Variants in PLCD4 observed in about 807,000 individuals in gnomAD.
The protein encoded by PLCD4 is phospholipase C delta 4, also known as 1-phosphatidylinositol 4,5-bisphosphate phosphodiesterase delta-4.
A neutral mutation model predicts 90.2 loss-of-function variants in PLCD4; 63 were observed. The observed-to-expected ratio is 0.70, with a 90% CI of 0.57 to 0.86. The LOEUF is 0.86. Ranked by LOEUF, PLCD4 falls within the 40% of genes least tolerant of loss-of-function variation. PLCD4 has a pLI of 0.00. For missense variants in PLCD4, 830 were observed against 956.3 expected (o/e 0.87, Z 1.74); for synonymous variants, 294 against 356.5 (o/e 0.82, Z 1.97).
Position 218,621,637 on chromosome 2 carries a change from G to C in PLCD4, c.540+38G>C, listed in dbSNP as rs373037584. On this transcript the variant is annotated intron_variant, in intron 5 of 15. Transcript: ENST00000450993. ...GGAAGGATTTCCAGCGGCCAACCAG[G>C]CCACATTTTCATTTGGCCAGAAGTC... 1.1e-5 allele frequency: 17 copies of C among 1,611,940 alleles called. No individual in the cohort carries two copies. In the African/African-American group the frequency reaches 2.1e-4, roughly 20 times the overall value.
At chr2:218,613,217 C>G (rs1170387677) in intron 1 of PLCD4, among the ~76,000 whole-genome samples, 1 of 151,762 alleles carries the variant, frequency 6.6e-6, no homozygotes, top group Non-Finnish European at 1.5e-5. Flanking sequence ...ATAGTGAAAC[C>G]CTGTCTCTAT....
chr2:218,625,131 AAG>A (rs763886125), intron 6 of PLCD4, among the ~76,000 whole-genome samples: 7 of 146,992 alleles, frequency 4.8e-5, no homozygotes, highest in African/African-American at 7.5e-5. Flanking sequence ...AAAAAAAAAA[AAG>A]AAAGAAAGAA....
rs1172144920 is a variant in PLCD4 at position 218,616,928 on chromosome 2, A to G, written c.181+866A>G. On this transcript the variant is annotated intron_variant, in intron 3 of 15. Transcript: ENST00000450993. ...TATATATATATATATATATATATAT[A>G]GAGAGAGAGAGAGAGAGAGAGAGAG... 2.9e-4 allele frequency among the ~76,000 whole-genome samples: 3 copies of G among 10,442 alleles called. 1 individual carries two copies. Among genetic ancestry groups the G allele is most frequent in the Non-Finnish European group, 5.0e-4 (3 of 5,982 alleles). 6.9% of individuals were successfully genotyped at this position (10,442 alleles called of 152,430 possible).
intron 7 of PLCD4, 100 bp downstream of exon 7, chr2:218,628,330 G>A (rs939543446): frequency 1.9e-4 from 239 of 1,232,764 alleles, no homozygotes; most frequent in Middle Eastern, 1.1e-3. Context: ...GTGTTGTGGG[G>A]GTTTAGGGGC....
At chr2:218,625,921 G>A (rs531981177) in intron 6 of PLCD4, among the ~76,000 whole-genome samples, 6 of 152,106 alleles carry the variant, frequency 3.9e-5, no homozygotes, top group East Asian at 3.9e-4. Flanking sequence ...GTGACAGAGC[G>A]AGACTCCATC....
At chr2:218,627,994 G>C in intron 6 of PLCD4, 35 bp from the exon 7 acceptor site, 1 of 1,571,832 alleles carries the variant, frequency 6.4e-7, no homozygotes, top group Non-Finnish European at 8.7e-7. Flanking sequence ...CCCATTCAGA[G>C]CTTCTCACCT....
At chr2:218,622,579 T>G in intron 5 of PLCD4, 68 bp from the exon 6 acceptor site, 1 of 1,193,502 alleles carries the variant, frequency 8.4e-7, no homozygotes, top group South Asian at 1.7e-5. Flanking sequence ...AAAAAAAATT[T>G]TTTTAATTAA....
Position 218,618,767 on chromosome 2 carries a change from G to A in PLCD4, c.370G>A (p.Asp124Asn). ...IWMRGLQLLV[D>N]LVTSMDHQER... is the part of the protein sequence containing the mutation. ...GATGCGAGGGCTCCAGCTGTTGGTG[G>A]ATCTTGTCACCAGCATGGACCATCA... is the stretch of plus-strand genomic sequence containing the variant. Residue 124 changes from aspartate to asparagine, a missense_variant, in exon 4 of 16, where the codon GAT becomes AAT. Coordinates refer to ENST00000450993, the MANE Select transcript of PLCD4 (RefSeq NM_032726.4). 1 of 1,604,600 alleles carries A rather than the reference G, an allele frequency of 6.2e-7. No individual in the cohort carries two copies. The highest frequency in any genetic ancestry group is 8.5e-7 in the Non-Finnish European group (1 of 1,175,656).
intron 6 of PLCD4, 107 bp from the exon 7 acceptor site, chr2:218,627,922 C>A: frequency 9.5e-7 from 1 of 1,051,928 alleles, no homozygotes; most frequent in Non-Finnish European, 1.4e-6. Context: ...TGGGTGCCAT[C>A]TGAAAGGCAG....
intron 3 of PLCD4, among the ~76,000 whole-genome samples, chr2:218,616,952 A>AGAT (rs1695631774): frequency 1.3e-5 from 1 of 77,936 alleles, no homozygotes; most frequent in African/African-American, 5.1e-5. Flanking sequence ...AGAGAGAGAG[A>AGAT]GAGAGAGAGA....
chr2:218,634,163 G>A lies in PLCD4; in HGVS notation c.1665G>A (p.Leu555=). The A allele has an allele frequency of 1.2e-6, 2 of 1,612,822 alleles. No homozygotes were observed. The highest frequency in any genetic ancestry group is 1.7e-6 in the Non-Finnish European group (2 of 1,179,418). The change falls in exon 12 of 16, where the codon CTG becomes CTA. Residue 555 remains leucine, a synonymous_variant. Coordinates refer to ENST00000450993, the MANE Select transcript of PLCD4 (RefSeq NM_032726.4). The surrounding 1 kb of genome is among the most constrained non-coding windows in gnomAD (Gnocchi z 4.0). ...TAAGCCGTGTGTATCCCAGCGGCCT[G>A]AGGACAGACTCTTCCAACTACAACC... The part of the protein sequence containing the change: ...WQLSRVYPSG[L]RTDSSNYNPQ...
chr2:218,632,864 G>C (rs1206481436), intron 10 of PLCD4, among the ~76,000 whole-genome samples: 8 of 152,146 alleles, frequency 5.3e-5, no homozygotes, highest in Non-Finnish European at 1.2e-4. Flanking sequence ...GGTGGGGAAC[G>C]TGAAGGCTCT....
intron 3 of PLCD4, 58 bp downstream of exon 3, chr2:218,616,120 C>T (rs370020533): frequency 1.1e-5 from 17 of 1,583,508 alleles, no homozygotes; most frequent in African/African-American, 6.7e-5. Context: ...CTGAGGAGCC[C>T]GGCAGGGGAG....
chr2:218,609,741 G>A (rs1171603761), intron 1 of PLCD4: 1 of 152,254 alleles, frequency 6.6e-6, no homozygotes, highest in Non-Finnish European at 1.5e-5. Context: ...CTAGGATACA[G>A]AGAAAAGTGA....
rs1696782390 is a variant in PLCD4 at position 218,636,751 on chromosome 2, C to G, written c.*174C>G. Reference sequence around the variant, plus strand: ...AGCAATCTGGGACCTGATTTTCCACCTTTTTTCTCTTTTCTTCCCTTCCTT... The same window carrying G: ...AGCAATCTGGGACCTGATTTTCCACGTTTTTTCTCTTTTCTTCCCTTCCTT... On this transcript the variant is annotated 3_prime_UTR_variant, in exon 16 of 16. Coordinates refer to ENST00000450993, the MANE Select transcript of PLCD4 (RefSeq NM_032726.4). The G allele has an allele frequency of 4.3e-6, 3 of 705,820 alleles. No individual in the cohort carries two copies. Among genetic ancestry groups the G allele is most frequent in the East Asian group, 5.6e-5 (2 of 35,990 alleles). 43.7% of individuals were successfully genotyped at this position (705,820 alleles called of 1,614,324 possible).
chr2:218,617,829 G>A (rs1233522050), intron 3 of PLCD4, among the ~76,000 whole-genome samples: 1 of 152,152 alleles, frequency 6.6e-6, no homozygotes, highest in Non-Finnish European at 1.5e-5. Flanking sequence ...GCTCACGCCT[G>A]TAATCCCAGC....
Position 218,608,011 on chromosome 2 carries a change from G to A in PLCD4, c.-93G>A, listed in dbSNP as rs3731867. On this transcript the variant is annotated 5_prime_UTR_variant, in exon 1 of 16. Transcript: ENST00000450993. ...CTGATCCCACAGCATCGCAGAGCTCGGGAGGCACAGCTCACAGACACAGGA... is the reference window on the plus strand; with the variant it reads ...CTGATCCCACAGCATCGCAGAGCTCAGGAGGCACAGCTCACAGACACAGGA... 0.28 allele frequency: 42,655 copies of A among 152,302 alleles called. 7,559 individuals carry two copies. The highest frequency in any genetic ancestry group is 0.39 in the Non-Finnish European group (26,375 of 68,126). 9.4% of individuals were successfully genotyped at this position (152,302 alleles called of 1,614,324 possible).
intron 6 of PLCD4, among the ~76,000 whole-genome samples, chr2:218,623,396 G>T (rs1318439830): frequency 6.6e-6 from 1 of 152,162 alleles, no homozygotes. Context: ...CCCTGGCTGG[G>T]GGAATAAGGA....
intron 1 of PLCD4, among the ~76,000 whole-genome samples, chr2:218,608,691 T>C (rs1021194975): frequency 1.3e-5 from 2 of 152,188 alleles, no homozygotes; most frequent in Non-Finnish European, 2.9e-5. Flanking sequence ...CAGACTTGCC[T>C]GTGTACCAAG....
Sources: gnomAD v4.1 joint callset for allele counts (sites outside exome capture counted in the v4.1 genomes callset) on GRCh38, gnomAD v4.1.1 for gene constraint, Gnocchi (gnomAD v3.1) non-coding constraint, MANE v1.5 for transcripts, NCBI Gene and HGNC (gene_info 2026-07-23, HGNC 2026-07-21) for gene names.